Variants in OPHN1 observed in about 807,000 individuals in gnomAD.
OPHN1 encodes the protein oligophrenin 1.
A neutral mutation model predicts 60.7 loss-of-function variants in OPHN1; 11 were observed. The ratio of observed to expected loss-of-function variants is 0.18; its 90% CI spans 0.11 to 0.30. The LOEUF is 0.30. OPHN1 is among the 10% of genes least tolerant of loss of function. The pLI is 1.00. For missense variants in OPHN1, 449 were observed against 611.0 expected (o/e 0.73, Z 2.80); for synonymous variants, 226 against 222.6 (o/e 1.02, Z -0.14).
chrX:68,113,367 C>A (rs2077113105), intron 16 of OPHN1, 128 bp from the exon 17 acceptor site: 3 of 538,027 alleles, frequency 5.6e-6, no homozygotes, highest in Non-Finnish European at 9.6e-6. Flanking sequence ...ACATTTTTCT[C>A]TTCACCTGAA....
At chrX:68,189,202 C>A (rs2077476359) in intron 15 of OPHN1, among the ~76,000 whole-genome samples, 1 of 111,428 alleles carries the variant, frequency 9.0e-6, no homozygotes, top group Non-Finnish European at 1.9e-5. Context: ...CCCCATCTCA[C>A]CCATCTGCTC....
At chrX:68,107,739 G>A (rs2077087649) in intron 18 of OPHN1, among the ~76,000 whole-genome samples, 2 of 111,870 alleles carry the variant, frequency 1.8e-5, no homozygotes. Context: ...GCCTCCCAAA[G>A]TGCTAGGATT....
At chrX:68,084,381 A>G (rs1336222549) in intron 19 of OPHN1, among the ~76,000 whole-genome samples, 1 of 68,436 alleles carries the variant, frequency 1.5e-5, no homozygotes, top group Non-Finnish European at 2.6e-5. Flanking sequence ...GGAGGAACGG[A>G]GGGAACGGAG....
chrX:68,308,802 C>G (rs1298513158), intron 2 of OPHN1, among the ~76,000 whole-genome samples: 1 of 109,403 alleles, frequency 9.1e-6, no homozygotes, highest in Non-Finnish European at 1.9e-5. Context: ...TTTTTTGAGA[C>G]AGGGTCTAGC....
At chrX:68,427,292 C>CA (rs1270632473) in intron 2 of OPHN1, among the ~76,000 whole-genome samples, 1 of 108,573 alleles carries the variant, frequency 9.2e-6, no homozygotes, top group African/African-American at 3.4e-5. Flanking sequence ...ACAACAACAA[C>CA]AAAAAATTCT....
chrX:68,282,580 C>G (rs929598084), intron 4 of OPHN1, among the ~76,000 whole-genome samples: 2 of 111,562 alleles, frequency 1.8e-5, no homozygotes, highest in African/African-American at 3.3e-5. Context: ...TCAATATTGG[C>G]TCATCAATTA....
intron 18 of OPHN1, among the ~76,000 whole-genome samples, chrX:68,102,873 G>A (rs1480185846): frequency 9.0e-6 from 1 of 111,637 alleles, no homozygotes; most frequent in Non-Finnish European, 1.9e-5. Context: ...CTGAAATTGA[G>A]GCAGAAATTG....
chrX:68,188,120 T>C (rs1481244050), intron 15 of OPHN1, among the ~76,000 whole-genome samples: 1 of 112,056 alleles, frequency 8.9e-6, no homozygotes, highest in Admixed American at 9.5e-5. Context: ...ACTGAAATTA[T>C]TTTTGCTAAG....
At chrX:68,260,145 CTT>C (rs796276683) in intron 5 of OPHN1, among the ~76,000 whole-genome samples, 1 of 103,032 alleles carries the variant, frequency 9.7e-6, no homozygotes, top group Admixed American at 1.0e-4. Flanking sequence ...CTTTGTGATT[CTT>C]TTTTTTTTTT....
At chrX:68,102,704 A>T (rs180780379) in intron 18 of OPHN1, among the ~76,000 whole-genome samples, 292 of 112,190 alleles carry the variant, frequency 2.6e-3, no homozygotes, top group African/African-American at 8.8e-3. Flanking sequence ...ATCACCACTG[A>T]TACCACAGAA....
At chrX:68,226,815 G>A (rs2077696182) in intron 6 of OPHN1, among the ~76,000 whole-genome samples, 1 of 111,700 alleles carries the variant, frequency 9.0e-6, no homozygotes. Context: ...GGAAGAAACT[G>A]CATCAACTAA....
intron 5 of OPHN1, among the ~76,000 whole-genome samples, chrX:68,249,815 G>T (rs1313850676): frequency 8.9e-6 from 1 of 111,832 alleles, no homozygotes; most frequent in African/African-American, 3.2e-5. Context: ...AACGCTTCTT[G>T]TCAGCAGGAC....
At chrX:68,170,200 A>G (rs1349087082) in intron 15 of OPHN1, among the ~76,000 whole-genome samples, 2 of 107,924 alleles carry the variant, frequency 1.9e-5, no homozygotes, top group Admixed American at 2.0e-4. Flanking sequence ...ATCACTGGCC[A>G]TCAGAGAAAT....
chrX:68,085,935 T>C (rs1356357924), intron 19 of OPHN1, among the ~76,000 whole-genome samples: 1 of 111,059 alleles, frequency 9.0e-6, no homozygotes, highest in African/African-American at 3.3e-5. Flanking sequence ...CCCCAGCACT[T>C]TGGGAGGCTG....
intron 20 of OPHN1, among the ~76,000 whole-genome samples, chrX:68,068,893 G>A (rs901959179): frequency 2.7e-5 from 3 of 111,632 alleles, no homozygotes; most frequent in African/African-American, 3.3e-5. Flanking sequence ...AATCCGTAGA[G>A]GCAGAAAGTA....
In OPHN1 at chrX:68,307,291, T is replaced by C. The variant is rs185577231; in HGVS notation, c.155-8195A>G. Among the ~76,000 whole-genome samples the C allele has an allele frequency of 2.9e-5, 3 of 104,317 alleles. No individual in the cohort carries two copies. The Admixed American group carries it at 3.2e-4, about 11-fold the overall frequency. 90.6% of individuals were successfully genotyped at this position (104,317 alleles called of 115,157 possible). A position where few individuals can be genotyped will look rare whatever the true frequency, so the allele number is the denominator to read the frequency against. Reference sequence around the variant, plus strand: ...GACCCTGTCTCTACCAAAAAAAAAATAATAATAATAATAATAGCCGAGCAT... The same window carrying C: ...GACCCTGTCTCTACCAAAAAAAAAACAATAATAATAATAATAGCCGAGCAT... On this transcript the variant is annotated intron_variant, in intron 2 of 24. Transcript: ENST00000355520.
intron 15 of OPHN1, 91 bp from the exon 16 acceptor site, chrX:68,119,423 C>T (rs575882881): frequency 1.6e-6 from 1 of 638,680 alleles, no homozygotes; most frequent in South Asian, 2.5e-5. Flanking sequence ...AGTATATTAC[C>T]CTAAGTAGTT....
Position 68,251,053 on chromosome X carries a change from T to G in OPHN1, c.385-16465A>C, listed in dbSNP as rs2077831368. Among the ~76,000 whole-genome samples the G allele has an allele frequency of 2.7e-5, 3 of 110,538 alleles. No homozygotes were observed. The South Asian group carries it at 1.2e-3, about 44-fold the overall frequency. ...ATGATTTTGGCCTACTTCTCCTTGT[T>G]CAGGGCTTTGAAGAAATGGAAAACA... On this transcript the variant is annotated intron_variant, in intron 5 of 24. Coordinates refer to ENST00000355520, the MANE Select transcript of OPHN1 (RefSeq NM_002547.3).
At chrX:68,079,623 C>T (rs1173430705) in intron 19 of OPHN1, among the ~76,000 whole-genome samples, 2 of 111,735 alleles carry the variant, frequency 1.8e-5, no homozygotes, top group Non-Finnish European at 3.8e-5. Flanking sequence ...TGCACTCATT[C>T]GCTTTCTCAA....
Sources: allele counts gnomAD v4.1 joint callset (sites outside exome capture counted in the v4.1 genomes callset), GRCh38; gene constraint gnomAD v4.1.1; transcripts MANE v1.5; gene names NCBI Gene and HGNC (gene_info 2026-07-23, HGNC 2026-07-21).